Variants in UHRF2 observed in about 807,000 individuals in gnomAD.
UHRF2 encodes E3 ubiquitin-protein ligase UHRF2.
A neutral mutation model predicts 96.8 loss-of-function variants in UHRF2; 23 were observed. The observed-to-expected ratio is 0.24, with a 90% CI of 0.17 to 0.34. The LOEUF is 0.34. Ranked by LOEUF, UHRF2 falls within the 10% of genes least tolerant of loss-of-function variation. The probability of loss-of-function intolerance (pLI) is 1.00; values close to 1 mark genes in which losing one functional copy is unlikely to be tolerated. For missense variants in UHRF2, 685 were observed against 981.5 expected (o/e 0.70, Z 4.04); for synonymous variants, 385 against 332.6 (o/e 1.16, Z -1.72).
intron 3 of UHRF2, among the ~76,000 whole-genome samples, chr9:6,435,207 T>G (rs1250371995): frequency 2.0e-5 from 3 of 152,118 alleles, no homozygotes; most frequent in African/African-American, 7.2e-5. Context: ...TTGGCCAGGC[T>G]GGTCGCAAAC....
rs535823427 is a variant in UHRF2, at chr9:6,417,172, C to T, written c.153+3529C>T. Among the ~76,000 whole-genome samples, 21 of 152,160 alleles carry T rather than the reference C, an allele frequency of 1.4e-4. No individual in the cohort carries two copies. In the South Asian group the frequency reaches 2.9e-3, roughly 21 times the overall value. Reference sequence around the variant, plus strand: ...TTCCCACTGCCCTCTCAGCCACTTCCACTTGGCATTTGCTTTCTAGTATTC... The same window carrying T: ...TTCCCACTGCCCTCTCAGCCACTTCTACTTGGCATTTGCTTTCTAGTATTC... On this transcript the variant is annotated intron_variant, in intron 1 of 15. Coordinates refer to ENST00000276893, the MANE Select transcript of UHRF2 (RefSeq NM_152896.3).
chr9:6,451,130 G>A (rs1022194935), intron 3 of UHRF2, among the ~76,000 whole-genome samples: 9 of 152,118 alleles, frequency 5.9e-5, no homozygotes, highest in Non-Finnish European at 1.3e-4. Flanking sequence ...GGTAGTTTCA[G>A]ACTAACAATA....
intron 1 of UHRF2, chr9:6,415,410 A>T (rs1446491940): frequency 6.6e-6 from 1 of 152,248 alleles, no homozygotes. Context: ...CAGAAAAGGA[A>T]GGTCATTGGT....
At chr9:6,442,666 T>A (rs572004667) in intron 3 of UHRF2, among the ~76,000 whole-genome samples, 1 of 105,226 alleles carries the variant, frequency 9.5e-6, no homozygotes, top group Non-Finnish European at 2.2e-5. Context: ...TTTTTTTTTT[T>A]GGGGGGGTAG....
intron 4 of UHRF2, among the ~76,000 whole-genome samples, chr9:6,470,052 G>A (rs1823147935): frequency 6.6e-6 from 1 of 152,102 alleles, no homozygotes; most frequent in Admixed American, 6.6e-5. Context: ...GGAGACAGTG[G>A]AATGGCATGT....
rs180929440 is a variant in UHRF2 at position 6,463,760 on chromosome 9, C to T, written c.863+2969C>T. Among the ~76,000 whole-genome samples the T allele has an allele frequency of 8.6e-5, 13 of 151,888 alleles. No individual in the cohort carries two copies. In the East Asian group the frequency reaches 1.7e-3, roughly 20 times the overall value. On this transcript the variant is annotated intron_variant, in intron 4 of 15. Coordinates refer to ENST00000276893, the MANE Select transcript of UHRF2 (RefSeq NM_152896.3). The stretch of plus-strand genomic sequence containing the variant: ...TGGTAGGATTATAGGTATGAGCCAC[C>T]GTGTCTGGAGAAAAAAAATTTTTTT...
At chr9:6,413,951 C>A (rs558808080) in intron 1 of UHRF2, 1 of 228,008 alleles carries the variant, frequency 4.4e-6, no homozygotes, top group African/African-American at 2.3e-5. Context: ...CCAGGTCCCT[C>A]GCTTCCCGCG....
chr9:6,491,049 C>T (rs1340374170), intron 9 of UHRF2, among the ~76,000 whole-genome samples: 1 of 152,248 alleles, frequency 6.6e-6, no homozygotes, highest in East Asian at 1.9e-4. Context: ...TCTTGCGTAC[C>T]TGCTGATAAC....
In UHRF2 at chr9:6,460,439, T is replaced by C. The variant is rs1587826753; in HGVS notation, c.645-134T>C. ...ACCAACATGAAGTAATAACACCTGC[T>C]ATTTAAGGACACTTCAACCTATTTT... On this transcript the variant is annotated intron_variant, in intron 3 of 15. Coordinates refer to ENST00000276893, the MANE Select transcript of UHRF2 (RefSeq NM_152896.3). The C allele has an allele frequency of 1.0e-5, 7 of 674,386 alleles. No homozygotes were observed. The East Asian group carries it at 2.0e-4, about 19-fold the overall frequency. 41.8% of individuals were successfully genotyped at this position (674,386 alleles called of 1,614,324 possible).
intron 4 of UHRF2, among the ~76,000 whole-genome samples, chr9:6,469,681 T>TATATATATACATGTATATAC (rs1563782832): frequency 1.1e-5 from 1 of 87,648 alleles, no homozygotes; most frequent in Non-Finnish European, 2.0e-5. Context: ...TGTGTGTATG[T>TATATATATACATGTATATAC]ATATATATAC....
intron 9 of UHRF2, among the ~76,000 whole-genome samples, chr9:6,491,308 A>G (rs1824645160): frequency 6.6e-6 from 1 of 152,230 alleles, no homozygotes; most frequent in African/African-American, 2.4e-5. Context: ...CCTCTGCCAC[A>G]TCTGTAAAAT....
intron 1 of UHRF2, chr9:6,414,291 T>G (rs1422825949): frequency 6.6e-6 from 1 of 152,354 alleles, no homozygotes; most frequent in African/African-American, 2.4e-5. Context: ...GAAGAAACTG[T>G]CGGTTTAACC....
At chr9:6,448,597 T>G (rs1821662612) in intron 3 of UHRF2, among the ~76,000 whole-genome samples, 1 of 152,218 alleles carries the variant, frequency 6.6e-6, no homozygotes, top group Admixed American at 6.5e-5. Context: ...CTTAATGCAG[T>G]GCTGTGTGTT....
intron 6 of UHRF2, among the ~76,000 whole-genome samples, chr9:6,478,853 C>T (rs868383700): frequency 6.6e-5 from 10 of 152,282 alleles, no homozygotes; most frequent in Admixed American, 1.3e-4. Flanking sequence ...TTACCTCCTA[C>T]TACTACCTCA....
chr9:6,485,196 A>G (rs770021941), intron 8 of UHRF2, among the ~76,000 whole-genome samples: 50 of 152,218 alleles, frequency 3.3e-4, no homozygotes, highest in Non-Finnish European at 6.9e-4. Flanking sequence ...ACCAGTATTC[A>G]GAGTTTAGGT....
intron 9 of UHRF2, among the ~76,000 whole-genome samples, chr9:6,487,191 T>TATTTTTTATTTTTTA (rs1563799281): frequency 3.9e-5 from 5 of 129,068 alleles, no homozygotes; most frequent in African/African-American, 1.5e-4. Context: ...CCTTTTTTTT[T>TATTTTTTATTTTTTA]TTTTTTTTTT....
intron 4 of UHRF2, among the ~76,000 whole-genome samples, chr9:6,462,915 TA>T (rs997536526): frequency 9.4e-5 from 14 of 149,062 alleles, no homozygotes; most frequent in Admixed American, 6.0e-4. Flanking sequence ...AGACTCTGTC[TA>T]AAAAAAAAGT....
At chr9:6,430,799 C>T (rs1051391893) in intron 2 of UHRF2, among the ~76,000 whole-genome samples, 6 of 152,192 alleles carry the variant, frequency 3.9e-5, no homozygotes, top group African/African-American at 1.4e-4. Context: ...CCCCTGTTCC[C>T]TCTGCCTCCT....
intron 7 of UHRF2, 77 bp from the exon 8 acceptor site, chr9:6,481,915 A>G (rs1823951648): frequency 1.3e-6 from 2 of 1,559,234 alleles, no homozygotes; most frequent in Non-Finnish European, 1.7e-6. Context: ...TTGGGTTCCT[A>G]GTCACATCTC....
Sources: gnomAD v4.1 joint callset for allele counts (sites outside exome capture counted in the v4.1 genomes callset) on GRCh38, gnomAD v4.1.1 for gene constraint, MANE v1.5 for transcripts, NCBI Gene and HGNC (gene_info 2026-07-23, HGNC 2026-07-21) for gene names.